The following TMBIM6 variants were observed in gnomAD, a reference collection of about 807,000 sequenced individuals.
The protein encoded by TMBIM6 is bax inhibitor 1.
Under a neutral mutation model 31.4 loss-of-function variants are expected in TMBIM6, and 13 were observed. The observed-to-expected ratio is 0.41, with a 90% CI of 0.27 to 0.66. The LOEUF (loss-of-function observed/expected upper bound fraction) is 0.66. Among genes scored for constraint, TMBIM6 ranks in the 30% least tolerant of loss-of-function variants. The pLI, the probability that TMBIM6 is intolerant of heterozygous loss-of-function variation, is 0.28. For missense variants in TMBIM6, 275 were observed against 289.5 expected (o/e 0.95, Z 0.36); for synonymous variants, 85 against 101.7 (o/e 0.84, Z 0.99).
chr12:49,754,388 A>G (rs1287495202), intron 3 of TMBIM6, among the ~76,000 whole-genome samples: 1 of 152,212 alleles, frequency 6.6e-6, no homozygotes, highest in Non-Finnish European at 1.5e-5. Context: ...AAATGTGTAT[A>G]TTAGATAAGC....
At chr12:49,753,228 G>A in intron 3 of TMBIM6, 147 bp downstream of exon 3, 2 of 615,562 alleles carry the variant, frequency 3.2e-6, no homozygotes, top group South Asian at 4.5e-5. Flanking sequence ...ATCAGGACAT[G>A]TAAAGCCATT....
intron 9 of TMBIM6, among the ~76,000 whole-genome samples, chr12:49,762,628 C>T (rs1026988835): frequency 3.9e-5 from 6 of 152,038 alleles, no homozygotes; most frequent in Admixed American, 2.6e-4. Flanking sequence ...CAGCCCACCT[C>T]GGCACTCCTG....
chr12:49,758,790 A>G, intron 7 of TMBIM6, 28 bp downstream of exon 7: 1 of 1,575,590 alleles, frequency 6.3e-7, no homozygotes, highest in Non-Finnish European at 8.7e-7. Context: ...ACTTTCCAGC[A>G]GCCATTTGCC....
chr12:49,741,885 A>T (rs570636126), intron 1 of TMBIM6: 1 of 550,854 alleles, frequency 1.8e-6, no homozygotes, highest in East Asian at 3.6e-5. Flanking sequence ...ATTCTGCCCC[A>T]GAGCGCTGGC....
At chr12:49,761,425 G>A (rs1464979535) in intron 8 of TMBIM6, among the ~76,000 whole-genome samples, 2 of 151,960 alleles carry the variant, frequency 1.3e-5, no homozygotes, top group African/African-American at 2.4e-5. Flanking sequence ...GGTTGGTCTC[G>A]AACTCCTGGG....
intron 4 of TMBIM6, among the ~76,000 whole-genome samples, 193 bp from the exon 5 acceptor site, chr12:49,758,034 A>T (rs80171037): frequency 7.7e-5 from 11 of 142,654 alleles, no homozygotes; most frequent in East Asian, 6.0e-4. Flanking sequence ...CTATTTCTAT[A>T]AAAAAAAAAA....
At chr12:49,761,487 G>A (rs941666246) in intron 8 of TMBIM6, among the ~76,000 whole-genome samples, 4 of 152,242 alleles carry the variant, frequency 2.6e-5, no homozygotes, top group Non-Finnish European at 4.4e-5. Context: ...TTACAGGCAT[G>A]AGCCACTGTG....
At chr12:49,754,640 A>G (rs1945555724) in intron 3 of TMBIM6, among the ~76,000 whole-genome samples, 2 of 152,240 alleles carry the variant, frequency 1.3e-5, no homozygotes, top group Non-Finnish European at 2.9e-5. Context: ...ACACTGAATA[A>G]TGAGAATCAA....
At chr12:49,747,964 C>A (rs924659280) in intron 1 of TMBIM6, among the ~76,000 whole-genome samples, 1 of 152,086 alleles carries the variant, frequency 6.6e-6, no homozygotes, top group East Asian at 1.9e-4. Flanking sequence ...AGGGCAATGG[C>A]GTGATCTCAG....
Position 49,764,805 on chromosome 12 carries a change from T to TAGA in TMBIM6, c.*1911_*1912insAAG, listed in dbSNP as rs1945789035. 6.6e-6 allele frequency: 1 copy of TAGA among 152,254 alleles called. No individual in the cohort carries two copies. Among genetic ancestry groups the TAGA allele is most frequent in the Admixed American group, 6.5e-5 (1 of 15,276 alleles). The allele number at this position is 152,254 out of a possible 1,614,324, so 9.4% of individuals were successfully genotyped here. A position where few individuals can be genotyped will look rare whatever the true frequency, so the allele number is the denominator to read the frequency against. On this transcript the variant is annotated 3_prime_UTR_variant, in exon 10 of 10. Coordinates refer to ENST00000267115, the MANE Select transcript of TMBIM6 (RefSeq NM_003217.3). Reference sequence around the variant, plus strand: ...TAGTTATCTCTACCACTTTCTTTTCTAGTTTCTTGATTTTCAGCTCAGGCT... The same window carrying TAGA: ...TAGTTATCTCTACCACTTTCTTTTCTAGAAGTTTCTTGATTTTCAGCTCAGGCT...
intron 8 of TMBIM6, 118 bp from the exon 9 acceptor site, chr12:49,761,586 T>G: frequency 2.5e-6 from 2 of 809,660 alleles, no homozygotes. Context: ...TAGTTGGGGG[T>G]AAAGTGTGGG....
chr12:49,757,390 G>C (rs1293714453), intron 4 of TMBIM6, among the ~76,000 whole-genome samples: 1 of 152,170 alleles, frequency 6.6e-6, no homozygotes, highest in Non-Finnish European at 1.5e-5. Context: ...ACCCATACTG[G>C]CAATTATCAT....
At chr12:49,759,360 G>C (rs191988468) in intron 8 of TMBIM6, 39 bp downstream of exon 8, 7 of 1,547,210 alleles carry the variant, frequency 4.5e-6, no homozygotes, top group African/African-American at 1.4e-5. Context: ...CATGAAGGTT[G>C]AGGCATACCG....
intron 1 of TMBIM6, among the ~76,000 whole-genome samples, chr12:49,748,094 G>T (rs1945429753): frequency 1.3e-5 from 2 of 152,106 alleles, no homozygotes; most frequent in African/African-American, 4.8e-5. Context: ...AGTAGAGACA[G>T]GGTTTCACCA....
intron 9 of TMBIM6, 77 bp from the exon 10 acceptor site, chr12:49,762,796 C>T (rs1056309626): frequency 7.2e-7 from 1 of 1,397,564 alleles, no homozygotes; most frequent in African/African-American, 1.4e-5. Context: ...TAGTCCCTAA[C>T]TAAATGCTCA....
intron 8 of TMBIM6, among the ~76,000 whole-genome samples, chr12:49,760,533 C>CTTTTTTTTTTTTT (rs35862867): frequency 1.1e-5 from 1 of 93,526 alleles, no homozygotes; most frequent in African/African-American, 4.0e-5. Context: ...TGCCCAGCCA[C>CTTTTTTTTTTTTT]TTTTTTTTTT....
At position 49,763,597 on chromosome 12, in the gene TMBIM6, C is replaced by T. The variant is rs1035665988; in HGVS notation, c.*701C>T. The T allele has an allele frequency of 2.0e-5, 3 of 152,030 alleles. No homozygotes were observed. The highest frequency in any genetic ancestry group is 7.3e-5 in the African/African-American group (3 of 41,272). 9.4% of individuals were successfully genotyped at this position (152,030 alleles called of 1,614,324 possible). ...CTTCAGCACAAAGGAAAGACTAATT[C>T]TTGTCAGGCATTTTTGAAAAGGCTG... is the stretch of plus-strand genomic sequence containing the variant. On this transcript the variant is annotated 3_prime_UTR_variant, in exon 10 of 10. Transcript: ENST00000267115.
At chr12:49,742,647 AT>A (rs1007341672) in intron 1 of TMBIM6, 1 of 169,788 alleles carries the variant, frequency 5.9e-6, no homozygotes, top group African/African-American at 2.4e-5. Flanking sequence ...TTACTTATTG[AT>A]ATTTATTTAC....
rs764350797 is a variant in TMBIM6 at position 49,762,883 on chromosome 12, AAG to A, written c.705_706del (p.Lys236GlufsTer4). On this transcript the variant is annotated frameshift_variant, in exon 10 of 10. Coordinates refer to ENST00000267115, the MANE Select transcript of TMBIM6 (RefSeq NM_003217.3). LOFTEE classifies it high-confidence loss of function. ...TTTCTCCATTTCTAGGATAAGAAGA[AAG>A]AGAAGAAATGAAGTGACCATCCAGC... The A allele has an allele frequency of 1.2e-6, 2 of 1,612,968 alleles. No individual in the cohort carries two copies. The highest frequency in any genetic ancestry group is 2.2e-5 in the South Asian group (2 of 91,038).
Sources: gnomAD v4.1 joint callset for allele counts (sites outside exome capture counted in the v4.1 genomes callset) on GRCh38, gnomAD v4.1.1 for gene constraint, MANE v1.5 for transcripts, NCBI Gene and HGNC (gene_info 2026-07-23, HGNC 2026-07-21) for gene names.